The following TNRC6A variants were observed in gnomAD, a reference collection of about 807,000 sequenced individuals.
TNRC6A encodes trinucleotide repeat-containing gene 6A protein.
In TNRC6A, 44 loss-of-function variants were observed where a neutral mutation model predicts 221.2. The ratio of observed to expected loss-of-function variants is 0.20; its 90% confidence interval spans 0.16 to 0.26. TNRC6A has a LOEUF of 0.26. Among genes scored for constraint, TNRC6A ranks in the 10% least tolerant of loss-of-function variants. The probability of loss-of-function intolerance (pLI) is 1.00; values close to 1 mark genes in which losing one functional copy is unlikely to be tolerated. For missense variants in TNRC6A, 2,199 were observed against 2,404.4 expected (o/e 0.91, Z 1.79); for synonymous variants, 847 against 838.5 (o/e 1.01, Z -0.18).
At chr16:24,707,796 C>T (rs549211978) in intron 2 of TNRC6A, among the ~76,000 whole-genome samples, 1 of 152,246 alleles carries the variant, frequency 6.6e-6, no homozygotes, top group East Asian at 1.9e-4. Flanking sequence ...CGGTGGCTCA[C>T]GCCTGTAATC....
At chr16:24,782,262 A>G (rs2057866183) in intron 5 of TNRC6A, among the ~76,000 whole-genome samples, 1 of 151,998 alleles carries the variant, frequency 6.6e-6, no homozygotes, top group Non-Finnish European at 1.5e-5. Context: ...CCATCTCCCT[A>G]CCACTTTCAC....
chr16:24,633,786 C>CTT (rs59714465), intron 1 of TNRC6A, among the ~76,000 whole-genome samples: 1 of 144,838 alleles, frequency 6.9e-6, no homozygotes. Flanking sequence ...ATTTATCTCT[C>CTT]TTTTTTTTTT....
chr16:24,704,465 T>C (rs901868958), intron 2 of TNRC6A, among the ~76,000 whole-genome samples: 10 of 151,136 alleles, frequency 6.6e-5, no homozygotes, highest in African/African-American at 4.9e-5. Context: ...GATCACCTGA[T>C]GTCAGCCTGG....
At chr16:24,694,266 C>G (rs904164018) in intron 2 of TNRC6A, among the ~76,000 whole-genome samples, 2 of 152,114 alleles carry the variant, frequency 1.3e-5, no homozygotes, top group African/African-American at 4.8e-5. Context: ...GCCAGGCCCC[C>G]GTCTCCGACC....
intron 11 of TNRC6A, among the ~76,000 whole-genome samples, chr16:24,800,109 C>G (rs1031112830): frequency 4.6e-5 from 7 of 152,118 alleles, no homozygotes; most frequent in Non-Finnish European, 1.0e-4. Context: ...GCCATTGTTG[C>G]GGTTTTTGTT....
rs2151876110 is a variant in TNRC6A, at chr16:24,791,194, T to C, written c.2552T>C (p.Val851Ala). The C allele has an allele frequency of 6.2e-7, 1 of 1,614,084 alleles. No homozygotes were observed. Among genetic ancestry groups the C allele is most frequent in the East Asian group, 2.2e-5 (1 of 44,868 alleles). ...CAAAAATCAAGCCAAGGGTGGTCTGTTTCTGCCAGTGATAACTGGGGAGAA... is the reference window on the plus strand; with the variant it reads ...CAAAAATCAAGCCAAGGGTGGTCTGCTTCTGCCAGTGATAACTGGGGAGAA... The part of the protein sequence containing the change: ...DGQKSSQGWS[V>A]SASDNWGETS... The change falls in exon 6 of 25, where the codon GTT (valine) becomes GCT (alanine). Residue 851 changes from valine (V) to alanine (A), a missense_variant. This residue lies in a region of TNRC6A where 1,405 missense variants were observed against 1,400.2 expected (regional missense o/e 1.00). Coordinates refer to ENST00000395799, the MANE Select transcript of TNRC6A (RefSeq NM_014494.4).
chr16:24,643,110 A>AAT (rs1555483570), intron 2 of TNRC6A, among the ~76,000 whole-genome samples: 59 of 56,802 alleles, frequency 1.0e-3, no homozygotes, highest in African/African-American at 2.9e-3. Context: ...ATATATATAA[A>AAT]ATATATATAT....
At chr16:24,802,009 G>C (rs2058341520) in intron 11 of TNRC6A, among the ~76,000 whole-genome samples, 1 of 152,240 alleles carries the variant, frequency 6.6e-6, no homozygotes, top group African/African-American at 2.4e-5. Context: ...ACATTCAAGA[G>C]AGGGCTCTTA....
At chr16:24,626,715 T>C (rs1167496806) in intron 1 of TNRC6A, among the ~76,000 whole-genome samples, 1 of 149,820 alleles carries the variant, frequency 6.7e-6, no homozygotes, top group Admixed American at 6.7e-5. Flanking sequence ...AGTGGCACTA[T>C]CTCCGCTCAC....
intron 2 of TNRC6A, among the ~76,000 whole-genome samples, chr16:24,692,165 T>C (rs1375661121): frequency 6.6e-6 from 1 of 152,156 alleles, no homozygotes; most frequent in Non-Finnish European, 1.5e-5. Context: ...GGGAGTCCGT[T>C]CTCTGAAATC....
intron 2 of TNRC6A, among the ~76,000 whole-genome samples, chr16:24,716,170 G>A (rs1415834317): frequency 6.6e-6 from 1 of 151,934 alleles, no homozygotes; most frequent in African/African-American, 2.4e-5. Flanking sequence ...TCCTCAAGCA[G>A]TAATCTAGGG....
At chr16:24,674,528 G>A (rs1160627518) in intron 2 of TNRC6A, among the ~76,000 whole-genome samples, 1 of 152,150 alleles carries the variant, frequency 6.6e-6, no homozygotes, top group Non-Finnish European at 1.5e-5. Context: ...AAGAGACTTT[G>A]CAAGTTATAG....
chr16:24,636,047 G>A (rs939148333), intron 1 of TNRC6A, among the ~76,000 whole-genome samples: 3 of 152,210 alleles, frequency 2.0e-5, no homozygotes, highest in Non-Finnish European at 4.4e-5. Context: ...GATCGCCTTG[G>A]GGAAAGCAGT....
At chr16:24,706,933 A>C (rs572871715) in intron 2 of TNRC6A, among the ~76,000 whole-genome samples, 1 of 152,016 alleles carries the variant, frequency 6.6e-6, no homozygotes, top group Non-Finnish European at 1.5e-5. Context: ...TCCTTACGCC[A>C]AATAAATTCC....
intron 2 of TNRC6A, among the ~76,000 whole-genome samples, chr16:24,677,569 G>A (rs563588808): frequency 2.6e-5 from 4 of 152,208 alleles, no homozygotes; most frequent in African/African-American, 9.6e-5. Context: ...CTCACTCACC[G>A]CCTGCAATCA....
chr16:24,740,814 A>G (rs1056163546), intron 2 of TNRC6A, among the ~76,000 whole-genome samples: 1 of 152,188 alleles, frequency 6.6e-6, no homozygotes, highest in African/African-American at 2.4e-5. Flanking sequence ...TATTGCCTTC[A>G]GCTCTTGGCA....
At position 24,739,645 on chromosome 16, in the gene TNRC6A, A is replaced by G. The variant is rs184890383; in HGVS notation, c.53+9345A>G. ...AGGCACCCACTACTATGCCCAACTAATTTTTGTATTTTTAATAGAGACAGA... is the reference window on the plus strand; with the variant it reads ...AGGCACCCACTACTATGCCCAACTAGTTTTTGTATTTTTAATAGAGACAGA... On this transcript the variant is annotated intron_variant, in intron 2 of 24. Coordinates refer to ENST00000395799, the MANE Select transcript of TNRC6A (RefSeq NM_014494.4). Among the ~76,000 whole-genome samples the G allele has an allele frequency of 6.8e-3, 1,029 of 151,674 alleles. 15 individuals carry two copies. The highest frequency in any genetic ancestry group is 0.011 in the Non-Finnish European group (773 of 67,894).
chr16:24,627,557 A>G (rs1901086278), intron 1 of TNRC6A, among the ~76,000 whole-genome samples: 1 of 152,080 alleles, frequency 6.6e-6, no homozygotes, highest in Admixed American at 6.6e-5. Context: ...CCTTGGGAAG[A>G]ACTGCCTTCC....
chr16:24,631,578 C>T (rs1443830459), intron 1 of TNRC6A, among the ~76,000 whole-genome samples: 1 of 152,050 alleles, frequency 6.6e-6, no homozygotes, highest in African/African-American at 2.4e-5. Context: ...TCGAGACCAG[C>T]CTGGCCAACA....
Sources: allele counts gnomAD v4.1 joint callset (sites outside exome capture counted in the v4.1 genomes callset), GRCh38; gene constraint gnomAD v4.1.1; regional missense constraint gnomAD v4.1.1; transcripts MANE v1.5; gene names NCBI Gene and HGNC (gene_info 2026-07-23, HGNC 2026-07-21).